CFHR5: variants seen among roughly 807,000 people sequenced by gnomAD.
The protein encoded by CFHR5 is complement factor H-related protein 5.
In CFHR5, 73 loss-of-function variants were observed where a neutral mutation model predicts 62.9. The observed-to-expected ratio is 1.16, with a 90% CI of 0.96 to 1.41. The LOEUF (loss-of-function observed/expected upper bound fraction) is 1.41, where lower values mean the gene tolerates loss of function less well. Among genes scored for constraint, CFHR5 ranks in the 40% most tolerant of loss-of-function variants. The pLI is 0.00. For missense variants in CFHR5, 779 were observed against 679.9 expected (o/e 1.15, Z -1.62); for synonymous variants, 249 against 227.2 (o/e 1.10, Z -0.86).
chr1:197,006,475 C>T (rs763835911), intron 9 of CFHR5, among the ~76,000 whole-genome samples: 42 of 151,994 alleles, frequency 2.8e-4, no homozygotes, highest in Non-Finnish European at 4.6e-4. Context: ...CTTTGGGAGG[C>T]CAAGGCAGGA....
At chr1:196,984,589 T>G (rs907960385) in intron 3 of CFHR5, among the ~76,000 whole-genome samples, 41 of 152,316 alleles carry the variant, frequency 2.7e-4, no homozygotes, top group Middle Eastern at 3.4e-3. Flanking sequence ...TATGTGTATT[T>G]GTGAGCGGCT....
intron 3 of CFHR5, among the ~76,000 whole-genome samples, chr1:196,993,696 A>G (rs1653910972): frequency 6.6e-6 from 1 of 152,154 alleles, no homozygotes; most frequent in African/African-American, 2.4e-5. Context: ...TTTGTGATTT[A>G]GTGAGAAAAA....
At chr1:196,996,779 T>C (rs960683486) in intron 6 of CFHR5, among the ~76,000 whole-genome samples, 1 of 152,066 alleles carries the variant, frequency 6.6e-6, no homozygotes, top group Non-Finnish European at 1.5e-5. Context: ...TGATCCTTGC[T>C]CTTTCTGGTC....
chr1:196,983,528 A>G (rs1328267672), intron 2 of CFHR5, among the ~76,000 whole-genome samples: 1 of 152,154 alleles, frequency 6.6e-6, no homozygotes, highest in African/African-American at 2.4e-5. Flanking sequence ...GTGTAGCTAT[A>G]TTAATCCTCC....
At chr1:196,993,942 G>C in intron 3 of CFHR5, 138 bp from the exon 4 acceptor site, 1 of 689,964 alleles carries the variant, frequency 1.4e-6, no homozygotes, top group Non-Finnish European at 2.5e-6. Context: ...TAAATAATTA[G>C]TCTATATGTT....
Position 197,008,786 on chromosome 1 carries a change from GTTGT to G in CFHR5, c.*106_*109del, listed in dbSNP as rs1654362530. ...AGTTACTTCTTTTATTCTTTCAGGT[GTTGT>G]TTAACTCAGTTTTATTTAGAACTCT... On this transcript the variant is annotated 3_prime_UTR_variant, in exon 10 of 10. Coordinates refer to ENST00000256785, the MANE Select transcript of CFHR5 (RefSeq NM_030787.4). 1 of 953,528 alleles carries G rather than the reference GTTGT, an allele frequency of 1.0e-6. No individual in the cohort carries two copies. The highest frequency in any genetic ancestry group is 1.6e-5 in the African/African-American group (1 of 61,274). The allele number at this position is 953,528 out of a possible 1,614,324, so 59.1% of individuals were successfully genotyped here.
At position 197,002,588 on chromosome 1, in the gene CFHR5, A is replaced by C. The variant is rs1224543264; in HGVS notation, c.1254A>C (p.Lys418Asn). Residue 418 changes from lysine to asparagine, a missense_variant, in exon 8 of 10, where the codon AAA becomes AAC. Transcript: ENST00000256785. ...QDGEKVAVLC[K>N]ENYLLPEAKE... ...GAGAAAAAGTAGCTGTTCTCTGTAAAGAAAACTATCTACTTCCAGAAGCAA... is the reference window on the plus strand; with the variant it reads ...GAGAAAAAGTAGCTGTTCTCTGTAACGAAAACTATCTACTTCCAGAAGCAA... The C allele has an allele frequency of 1.2e-6, 2 of 1,613,198 alleles. No homozygotes were observed. Among genetic ancestry groups the C allele is most frequent in the Admixed American group, 1.7e-5 (1 of 59,948 alleles).
At position 197,004,648 on chromosome 1, in the gene CFHR5, T is replaced by C. The variant is rs1007476066; in HGVS notation, c.1331-13T>C. 5.6e-6 allele frequency: 9 copies of C among 1,606,220 alleles called. No individual in the cohort carries two copies. In the African/African-American group the frequency reaches 6.7e-5, roughly 12 times the overall value. On this transcript the variant is annotated splice_polypyrimidine_tract_variant and intron_variant, in intron 8 of 9. Transcript: ENST00000256785. ...CTAACATAATGTCTCAACAAATAAA[T>C]GCTGTTTTCCAGAGTCTACTGCATA...
intron 8 of CFHR5, 32 bp from the exon 9 acceptor site, chr1:197,004,629 T>C (rs774804348): frequency 4.5e-6 from 7 of 1,555,488 alleles, no homozygotes; most frequent in Non-Finnish European, 5.3e-6. Context: ...TAAACTAACA[T>C]AATGTCTCAA....
rs764342851 is a variant in CFHR5 at position 196,996,061 on chromosome 1, A to G, written c.830A>G (p.Tyr277Cys). Residue 277 changes from tyrosine (Y) to cysteine (C), a missense_variant, in exon 6 of 10, where the codon TAC (tyrosine) becomes TGC (cysteine). Tyr to Cys is a radical substitution (Grantham distance 194, BLOSUM62 -2). Coordinates refer to ENST00000256785, the MANE Select transcript of CFHR5 (RefSeq NM_030787.4). ...KTCGYIPELEYGYVQPSVPPY... is the reference protein window; with the variant it reads ...KTCGYIPELECGYVQPSVPPY... ...TGTGGATACATACCTGAACTCGAGT[A>G]CGGTTATGTTCAGCCGTCTGTCCCT... 6.2e-7 allele frequency: 1 copy of G among 1,613,834 alleles called. No homozygotes were observed. Among genetic ancestry groups the G allele is most frequent in the Non-Finnish European group, 8.5e-7 (1 of 1,179,896 alleles).
At chr1:196,993,576 C>T (rs925563225) in intron 3 of CFHR5, among the ~76,000 whole-genome samples, 8 of 152,148 alleles carry the variant, frequency 5.3e-5, no homozygotes, top group African/African-American at 1.9e-4. Flanking sequence ...GGATTACAGA[C>T]ATGACCCACC....
rs1653983328 is a variant in CFHR5 at position 196,996,073 on chromosome 1, A to G, written c.842A>G (p.Gln281Arg). ...YIPELEYGYV[Q>R]PSVPPYQHGV... ...CCTGAACTCGAGTACGGTTATGTTC[A>G]GCCGTCTGTCCCTCCCTATCAACAT... Residue 281 changes from glutamine to arginine, a missense_variant, in exon 6 of 10, where the codon CAG (glutamine) becomes CGG (arginine). Physicochemically the swap from Gln to Arg is conservative, Grantham distance 43. Coordinates refer to ENST00000256785, the MANE Select transcript of CFHR5 (RefSeq NM_030787.4). The G allele has an allele frequency of 1.5e-5, 25 of 1,613,974 alleles. No homozygotes were observed. The highest frequency in any genetic ancestry group is 2.1e-5 in the Non-Finnish European group (25 of 1,179,874).
rs765440033 is a variant in CFHR5 at position 197,004,726 on chromosome 1, T to A, written c.1396T>A (p.Ser466Thr). 22 of 1,613,330 alleles carry A rather than the reference T, an allele frequency of 1.4e-5. No individual in the cohort carries two copies. Among genetic ancestry groups the A allele is most frequent in the African/African-American group, 2.7e-5 (2 of 74,870 alleles). The change falls in exon 9 of 10, where the codon TCA becomes ACA. Residue 466 changes from serine (S) to threonine (T), a missense_variant. Physicochemically the swap from Ser to Thr is moderately conservative, Grantham distance 58. Transcript: ENST00000256785. The stretch of plus-strand genomic sequence containing the variant: ...TGGAGATACCACCTCATTCCCATTA[T>A]CAGTATATCCTCCAGGGTCAACAGT... ...NNGDTTSFPL[S>T]VYPPGSTVTY...
At chr1:196,992,887 G>C (rs1653883315) in intron 3 of CFHR5, among the ~76,000 whole-genome samples, 1 of 152,050 alleles carries the variant, frequency 6.6e-6, no homozygotes, top group Admixed American at 6.6e-5. Flanking sequence ...AAACTAGCTA[G>C]TTTGAAAATA....
rs766379928 is a variant in CFHR5 at position 197,004,657 on chromosome 1, C to G, written c.1331-4C>G. 2.2e-5 allele frequency: 35 copies of G among 1,611,262 alleles called. No homozygotes were observed. The East Asian group carries it at 6.9e-4, about 32-fold the overall frequency. ...TGTCTCAACAAATAAATGCTGTTTT[C>G]CAGAGTCTACTGCATATTGTGGGCC... On this transcript the variant is annotated splice_polypyrimidine_tract_variant and splice_region_variant and intron_variant, in intron 8 of 9. Coordinates refer to ENST00000256785, the MANE Select transcript of CFHR5 (RefSeq NM_030787.4).
At chr1:196,998,679 T>C (rs1654056301) in intron 7 of CFHR5, among the ~76,000 whole-genome samples, 1 of 152,040 alleles carries the variant, frequency 6.6e-6, no homozygotes, top group African/African-American at 2.4e-5. Flanking sequence ...GACCAGACAG[T>C]AGGCTGAGTA....
chr1:197,008,739 G>T lies in CFHR5; in HGVS notation c.*56G>T, dbSNP rs1382199019. ...CAAACATCCATCTATGCTAAAAGTA[G>T]CCATTATGTAGCCAATTCTGTAGTT... On this transcript the variant is annotated 3_prime_UTR_variant, in exon 10 of 10. Coordinates refer to ENST00000256785, the MANE Select transcript of CFHR5 (RefSeq NM_030787.4). The T allele has an allele frequency of 3.5e-6, 5 of 1,415,532 alleles. No homozygotes were observed. Among genetic ancestry groups the T allele is most frequent in the Admixed American group, 1.7e-5 (1 of 59,574 alleles). 87.7% of individuals were successfully genotyped at this position (1,415,532 alleles called of 1,614,324 possible).
intron 9 of CFHR5, 146 bp downstream of exon 9, chr1:197,004,989 G>C (rs187692038): frequency 1.2e-4 from 86 of 700,072 alleles, no homozygotes; most frequent in Admixed American, 8.5e-4. Context: ...GGAAACATTT[G>C]AAAAATTTGC....
At chr1:196,982,767 TA>T in intron 1 of CFHR5, 117 bp from the exon 2 acceptor site, 1 of 877,578 alleles carries the variant, frequency 1.1e-6, no homozygotes, top group Non-Finnish European at 1.9e-6. Flanking sequence ...GCATTTAAGC[TA>T]AAGGCATTTA....
Sources: gnomAD v4.1 joint callset for allele counts (sites outside exome capture counted in the v4.1 genomes callset) on GRCh38, gnomAD v4.1.1 for gene constraint, MANE v1.5 for transcripts, NCBI Gene and HGNC (gene_info 2026-07-23, HGNC 2026-07-21) for gene names.